OSBP: variants seen among roughly 807,000 people sequenced by gnomAD.
OSBP encodes oxysterol-binding protein 1.
In OSBP, 32 loss-of-function variants were observed where a neutral mutation model predicts 96.6. The ratio of observed to expected loss-of-function variants is 0.33; its 90% CI spans 0.25 to 0.45. The LOEUF is 0.45. Ranked by LOEUF, OSBP falls within the 20% of genes least tolerant of loss-of-function variation. The pLI is 1.00. For missense variants in OSBP, 653 were observed against 1,029.7 expected (o/e 0.63, Z 5.01); for synonymous variants, 369 against 389.6 (o/e 0.95, Z 0.62).
intron 3 of OSBP, among the ~76,000 whole-genome samples, chr11:59,606,265 A>G (rs1590677830): frequency 6.6e-6 from 1 of 152,290 alleles, no homozygotes; most frequent in Middle Eastern, 3.4e-3. Flanking sequence ...AATATACTAA[A>G]AGTGTCAAAT....
intron 3 of OSBP, among the ~76,000 whole-genome samples, chr11:59,604,512 G>C (rs1308390921): frequency 6.6e-6 from 1 of 152,120 alleles, no homozygotes; most frequent in Non-Finnish European, 1.5e-5. Context: ...GACCAGCCTG[G>C]CCAACATAGT....
At chr11:59,585,048 C>A (rs147740283) in intron 9 of OSBP, among the ~76,000 whole-genome samples, 1 of 152,120 alleles carries the variant, frequency 6.6e-6, no homozygotes. Context: ...AGCCTCTGCC[C>A]GGCCGCCACC....
Position 59,615,287 on chromosome 11 carries a change from C to A in OSBP, c.362+16G>T, listed in dbSNP as rs542353159. On this transcript the variant is annotated intron_variant, in intron 1 of 13. Transcript: ENST00000263847. ...GGGGGAGGCAAGGTGAGCGACAGCG[C>A]CCCGGAAGCAGTTACCTGTAGTAGC... 2 of 1,585,878 alleles carry A rather than the reference C, an allele frequency of 1.3e-6. No individual in the cohort carries two copies. Among genetic ancestry groups the A allele is most frequent in the Non-Finnish European group, 8.6e-7 (1 of 1,161,026 alleles).
chr11:59,607,725 C>A (rs1453820846), intron 3 of OSBP, among the ~76,000 whole-genome samples: 1 of 152,188 alleles, frequency 6.6e-6, no homozygotes, highest in Non-Finnish European at 1.5e-5. Context: ...CATGTATTCA[C>A]TTCATACGTA....
chr11:59,600,464 C>A, intron 7 of OSBP, 32 bp downstream of exon 7: 1 of 1,610,000 alleles, frequency 6.2e-7, no homozygotes. Context: ...AGAGGAACTC[C>A]TGGCAGCAGC....
rs1488715034 is a variant in OSBP at position 59,574,665 on chromosome 11, A to C, written c.*1912T>G. The C allele has an allele frequency of 6.6e-6, 1 of 152,592 alleles. No individual in the cohort carries two copies. The highest frequency in any genetic ancestry group is 1.5e-5 in the Non-Finnish European group (1 of 68,028). 9.5% of individuals were successfully genotyped at this position (152,592 alleles called of 1,614,324 possible). ...TCTATCCAAAGCCCCGGATGAGGTC[A>C]CTGCTTTTATGAGCCTCCTTGAAAG... On this transcript the variant is annotated 3_prime_UTR_variant, in exon 14 of 14. Coordinates refer to ENST00000263847, the MANE Select transcript of OSBP (RefSeq NM_002556.3).
chr11:59,588,592 T>G (rs1261877990), intron 9 of OSBP, among the ~76,000 whole-genome samples: 1 of 151,602 alleles, frequency 6.6e-6, no homozygotes, highest in Non-Finnish European at 1.5e-5. Context: ...TTTTACAAGA[T>G]CAAGAGTTTT....
At chr11:59,592,089 G>A (rs554647083) in intron 9 of OSBP, among the ~76,000 whole-genome samples, 2 of 152,218 alleles carry the variant, frequency 1.3e-5, no homozygotes, top group Admixed American at 6.5e-5. Context: ...ATTGCAATAC[G>A]GCCACTGACA....
At chr11:59,603,708 T>G (rs1251575702) in intron 3 of OSBP, among the ~76,000 whole-genome samples, 2 of 152,042 alleles carry the variant, frequency 1.3e-5, no homozygotes, top group African/African-American at 4.8e-5. Context: ...AGCTAATTTT[T>G]GTAGTTAATA....
chr11:59,608,999 G>A (rs747736406), intron 2 of OSBP, among the ~76,000 whole-genome samples: 46 of 152,192 alleles, frequency 3.0e-4, no homozygotes, highest in Non-Finnish European at 4.9e-4. Context: ...CAAAGCCCAG[G>A]AATCTGCCTT....
intron 8 of OSBP, 83 bp downstream of exon 8, chr11:59,593,927 C>A: frequency 6.5e-7 from 1 of 1,526,910 alleles, no homozygotes; most frequent in South Asian, 1.3e-5. Flanking sequence ...AGAATTTCTG[C>A]AAACATAAGA....
At chr11:59,596,908 G>A (rs888339390) in intron 7 of OSBP, among the ~76,000 whole-genome samples, 1 of 152,114 alleles carries the variant, frequency 6.6e-6, no homozygotes, top group Non-Finnish European at 1.5e-5. Flanking sequence ...CTTCCTAGAG[G>A]GATTAGTTTT....
intron 11 of OSBP, 31 bp downstream of exon 11, chr11:59,580,143 G>T: frequency 7.1e-7 from 1 of 1,412,364 alleles, no homozygotes; most frequent in Non-Finnish European, 1.0e-6. Flanking sequence ...TACATGCTAC[G>T]TGAAACAATT....
At chr11:59,601,131 A>C in intron 5 of OSBP, 152 bp downstream of exon 5, 1 of 555,152 alleles carries the variant, frequency 1.8e-6, no homozygotes, top group Non-Finnish European at 3.1e-6. Flanking sequence ...AAAAAAAAAA[A>C]AAAGGGAAAA....
intron 3 of OSBP, among the ~76,000 whole-genome samples, chr11:59,604,982 T>C (rs928436977): frequency 6.6e-6 from 1 of 151,396 alleles, no homozygotes; most frequent in African/African-American, 2.4e-5. Flanking sequence ...TGAAACCCCA[T>C]CTCCACTAAA....
chr11:59,589,569 C>A (rs1328600149), intron 9 of OSBP, among the ~76,000 whole-genome samples: 1 of 151,856 alleles, frequency 6.6e-6, no homozygotes, highest in Admixed American at 6.6e-5. Context: ...CCACTGCCCT[C>A]CAGCCTGGGC....
chr11:59,614,224 A>G (rs1384375518), intron 1 of OSBP, among the ~76,000 whole-genome samples: 2 of 152,252 alleles, frequency 1.3e-5, no homozygotes, highest in African/African-American at 4.8e-5. Flanking sequence ...TAGTGTGAAC[A>G]GAAGTAGTTT....
chr11:59,612,620 T>TAA (rs1362563371), intron 1 of OSBP, among the ~76,000 whole-genome samples: 2 of 152,148 alleles, frequency 1.3e-5, no homozygotes, highest in African/African-American at 4.8e-5. Flanking sequence ...TCGGAGCTCT[T>TAA]GAGTCTGGGC....
chr11:59,601,452 C>T, intron 4 of OSBP, 67 bp from the exon 5 acceptor site: 1 of 1,271,630 alleles, frequency 7.9e-7, no homozygotes, highest in Non-Finnish European at 1.1e-6. Flanking sequence ...ATAGCAAGTT[C>T]TTTTAAATAC....
Sources: gnomAD v4.1 joint callset for allele counts (sites outside exome capture counted in the v4.1 genomes callset) on GRCh38, gnomAD v4.1.1 for gene constraint, MANE v1.5 for transcripts, NCBI Gene and HGNC (gene_info 2026-07-23, HGNC 2026-07-21) for gene names.